ANAPC1: variants seen among roughly 807,000 people sequenced by gnomAD.
ANAPC1 encodes the protein anaphase-promoting complex subunit 1.
Under a neutral mutation model 208.0 loss-of-function variants are expected in ANAPC1, and 36 were observed. That is an observed-to-expected ratio of 0.17 (90% CI 0.13 to 0.23). ANAPC1 has a LOEUF of 0.23. Ranked by LOEUF, ANAPC1 falls within the 10% of genes least tolerant of loss-of-function variation. The pLI, the probability that ANAPC1 is intolerant of heterozygous loss-of-function variation, is 1.00. For synonymous variants in ANAPC1, 378 were observed against 695.2 expected (o/e 0.54, Z 7.18); for missense variants, 942 against 2,011.6 (o/e 0.47, Z 10.17).
rs1406521186 is a variant in ANAPC1, at chr2:111,825,053, C to T, written c.2742-17G>A. The T allele has an allele frequency of 6.2e-7, 1 of 1,613,842 alleles. No homozygotes were observed. The highest frequency in any genetic ancestry group is 1.1e-5 in the South Asian group (1 of 91,068). ...AAACTAAACCTATAAGAGAATAAAACATAAAGTTATTAAGCAGAACAGTAA... is the reference window on the plus strand; with the variant it reads ...AAACTAAACCTATAAGAGAATAAAATATAAAGTTATTAAGCAGAACAGTAA... On this transcript the variant is annotated splice_polypyrimidine_tract_variant and intron_variant, in intron 23 of 47. Transcript: ENST00000341068.
In ANAPC1 at chr2:111,818,970, G is replaced by A; in HGVS notation, c.3207-12C>T. On this transcript the variant is annotated splice_polypyrimidine_tract_variant and intron_variant, in intron 26 of 47. Coordinates refer to ENST00000341068, the MANE Select transcript of ANAPC1 (RefSeq NM_022662.4). ...ACAATTGGAGCAATCTGTAATTAAA[G>A]TAAAAACCAACATATGAAAATGTTT... The A allele has an allele frequency of 1.9e-6, 3 of 1,609,698 alleles. No homozygotes were observed. The highest frequency in any genetic ancestry group is 2.5e-6 in the Non-Finnish European group (3 of 1,178,268).
intron 16 of ANAPC1, among the ~76,000 whole-genome samples, chr2:111,844,662 A>G (rs538311102): frequency 6.6e-6 from 1 of 152,222 alleles, no homozygotes; most frequent in East Asian, 1.9e-4. Flanking sequence ...GTAAATATAT[A>G]ATATTCAATA....
intron 10 of ANAPC1, 36 bp from the exon 11 acceptor site, chr2:111,858,437 C>G: frequency 6.4e-7 from 1 of 1,557,292 alleles, no homozygotes; most frequent in Non-Finnish European, 8.8e-7. Context: ...ACTGTCAGCA[C>G]TGGTCCAAGA....
chr2:111,783,041 C>T (rs1364565179), intron 42 of ANAPC1, among the ~76,000 whole-genome samples: 1 of 151,986 alleles, frequency 6.6e-6, no homozygotes, highest in Non-Finnish European at 1.5e-5. Flanking sequence ...TGTATCAACA[C>T]TCTAAAATAA....
chr2:111,827,222 T>C (rs1679886012), intron 21 of ANAPC1, among the ~76,000 whole-genome samples: 1 of 152,130 alleles, frequency 6.6e-6, no homozygotes, highest in South Asian at 2.1e-4. Context: ...GTTATTTGCT[T>C]TGAAGAGGAA....
At chr2:111,867,741 T>C (rs1381759404) in intron 7 of ANAPC1, among the ~76,000 whole-genome samples, 1 of 151,826 alleles carries the variant, frequency 6.6e-6, no homozygotes, top group Non-Finnish European at 1.5e-5. Flanking sequence ...TTACTTCATC[T>C]AAGTATCATT....
At chr2:111,877,467 T>A (rs1683078729) in intron 3 of ANAPC1, among the ~76,000 whole-genome samples, 2 of 152,282 alleles carry the variant, frequency 1.3e-5, no homozygotes, top group South Asian at 4.1e-4. Flanking sequence ...TGAATCCCCA[T>A]CAGCCAGTTT....
intron 20 of ANAPC1, 73 bp downstream of exon 20, chr2:111,833,147 G>A (rs1015519550): frequency 6.0e-6 from 9 of 1,509,536 alleles, no homozygotes; most frequent in Non-Finnish European, 8.1e-6. Context: ...TACATCCTCT[G>A]CTATTCAATG....
intron 10 of ANAPC1, among the ~76,000 whole-genome samples, chr2:111,858,889 T>C (rs1681893627): frequency 6.6e-6 from 1 of 152,070 alleles, no homozygotes; most frequent in South Asian, 2.1e-4. Context: ...ATCTCTAAGA[T>C]CCTTTCAGTT....
chr2:111,850,155 T>G (rs1681309207), intron 14 of ANAPC1, among the ~76,000 whole-genome samples: 1 of 152,012 alleles, frequency 6.6e-6, no homozygotes, highest in Non-Finnish European at 1.5e-5. Flanking sequence ...CTATCCTGCC[T>G]CACCCTACAG....
chr2:111,851,545 G>A (rs1482910695), intron 13 of ANAPC1, among the ~76,000 whole-genome samples: 1 of 152,012 alleles, frequency 6.6e-6, no homozygotes, highest in African/African-American at 2.4e-5. Flanking sequence ...GGTGGCTCAC[G>A]CCTGTAATCC....
At chr2:111,771,697 C>T (rs1306365459) in intron 47 of ANAPC1, among the ~76,000 whole-genome samples, 2 of 151,198 alleles carry the variant, frequency 1.3e-5, no homozygotes, top group Non-Finnish European at 2.9e-5. Context: ...TTATCAGAGG[C>T]TTGCAAAACA....
chr2:111,876,429 C>G (rs1338973353), intron 3 of ANAPC1, among the ~76,000 whole-genome samples: 1 of 151,966 alleles, frequency 6.6e-6, no homozygotes, highest in Non-Finnish European at 1.5e-5. Flanking sequence ...GACTGAAATT[C>G]CAAATCTTAC....
Position 111,833,077 on chromosome 2 carries a change from G to C in ANAPC1, c.2476+143C>G, listed in dbSNP as rs1011319957. The C allele has an allele frequency of 5.6e-5, 69 of 1,223,582 alleles. No individual in the cohort carries two copies. The Middle Eastern group carries it at 1.9e-3, about 33-fold the overall frequency. 75.8% of individuals were successfully genotyped at this position (1,223,582 alleles called of 1,614,324 possible). On this transcript the variant is annotated intron_variant, in intron 20 of 47. Transcript: ENST00000341068. The stretch of plus-strand genomic sequence containing the variant: ...CTACGTGTCAGAAAACAAGCACTAC[G>C]AACTAAAATCTGCCTGGTGGAAAGG...
In ANAPC1 at chr2:111,878,222, A is replaced by G. The variant is rs1683114567; in HGVS notation, c.375+588T>C. ...TTGCACTGGAGGTTACAAAATGGTGATATTCTAATTCTACAATTCCTTTTA... is the reference window on the plus strand; with the variant it reads ...TTGCACTGGAGGTTACAAAATGGTGGTATTCTAATTCTACAATTCCTTTTA... On this transcript the variant is annotated intron_variant, in intron 3 of 47. Transcript: ENST00000341068. Among the ~76,000 whole-genome samples, 5 of 152,210 alleles carry G rather than the reference A, an allele frequency of 3.3e-5. No homozygotes were observed. The South Asian group carries it at 8.3e-4, about 25-fold the overall frequency.
intron 24 of ANAPC1, among the ~76,000 whole-genome samples, chr2:111,823,500 A>G (rs1264043903): frequency 4.7e-5 from 7 of 147,988 alleles, no homozygotes; most frequent in Non-Finnish European, 7.5e-5. Context: ...TTTGTTATGG[A>G]AAAAAAAAAA....
rs1421382858 is a variant in ANAPC1, at chr2:111,825,175, G to C, written c.2705-8C>G. 1 of 1,603,942 alleles carries C rather than the reference G, an allele frequency of 6.2e-7. No homozygotes were observed. Among genetic ancestry groups the C allele is most frequent in the Non-Finnish European group, 8.5e-7 (1 of 1,175,284 alleles). On this transcript the variant is annotated splice_polypyrimidine_tract_variant and splice_region_variant and intron_variant, in intron 22 of 47. Coordinates refer to ENST00000341068, the MANE Select transcript of ANAPC1 (RefSeq NM_022662.4). ...CTTGCAACTTCTGGGGGGCTAAAAG[G>C]CAACAAAATGAAACTTAATTTTGAT...
intron 16 of ANAPC1, among the ~76,000 whole-genome samples, chr2:111,845,810 T>C (rs910737180): frequency 6.6e-6 from 1 of 151,626 alleles, no homozygotes; most frequent in Non-Finnish European, 1.5e-5. Flanking sequence ...CCGTCTCTAC[T>C]AAAAATACAA....
chr2:111,831,250 A>C (rs1471761155), intron 21 of ANAPC1, 36 bp downstream of exon 21: 1 of 1,553,786 alleles, frequency 6.4e-7, no homozygotes, highest in East Asian at 2.3e-5. Flanking sequence ...ATTTTAAAAG[A>C]AAAAGGAGAT....
Sources: gnomAD v4.1 joint callset for allele counts (sites outside exome capture counted in the v4.1 genomes callset) on GRCh38, gnomAD v4.1.1 for gene constraint, MANE v1.5 for transcripts, NCBI Gene and HGNC (gene_info 2026-07-23, HGNC 2026-07-21) for gene names.